Variants in NHSL2 observed in about 807,000 individuals in gnomAD.
NHSL2 encodes the protein NHS like 2.
A neutral mutation model predicts 53.4 loss-of-function variants in NHSL2; 27 were observed. The observed-to-expected ratio is 0.51, with a 90% confidence interval of 0.37 to 0.70. The LOEUF (loss-of-function observed/expected upper bound fraction) is 0.70. Among genes scored for constraint, NHSL2 ranks in the 30% least tolerant of loss-of-function variants. NHSL2 has a pLI of 0.00. For synonymous variants in NHSL2, 408 were observed against 404.1 expected, an observed-to-expected ratio of 1.01 and a Z score of -0.12; for missense variants, 892 against 980.1, an observed-to-expected ratio of 0.91 and a Z score of 1.20.
At chrX:72,083,655 A>T (rs1179161513) in intron 1 of NHSL2, among the ~76,000 whole-genome samples, 1 of 112,346 alleles carries the variant, frequency 8.9e-6, no homozygotes, top group Non-Finnish European at 1.9e-5. Flanking sequence ...TATGGTTTCC[A>T]TATAGAATTT....
rs771250499 is a variant in NHSL2 at position 71,961,720 on chromosome X, C to T, written c.280+50353C>T. On this transcript the variant is annotated intron_variant, in intron 1 of 7. Transcript: ENST00000633930. The stretch of plus-strand genomic sequence containing the variant: ...TCACTATGTTGCCCAGGCTGGAGTG[C>T]GGTGCCACGATGATCTCAGCTCACT... 2.6e-3 allele frequency among the ~76,000 whole-genome samples: 286 copies of T among 111,440 alleles called. 1 individual carries two copies. Among genetic ancestry groups the T allele is most frequent in the African/African-American group, 8.8e-3 (271 of 30,670 alleles).
At chrX:71,976,148 C>T (rs994606299) in intron 1 of NHSL2, among the ~76,000 whole-genome samples, 2 of 111,419 alleles carry the variant, frequency 1.8e-5, no homozygotes, top group Non-Finnish European at 3.8e-5. Context: ...CATGCCCCTC[C>T]CCGCCCAGTC....
intron 1 of NHSL2, chrX:72,131,365 G>C (rs2042297531): frequency 3.3e-6 from 4 of 1,209,588 alleles, no homozygotes; most frequent in Non-Finnish European, 4.5e-6. Flanking sequence ...GGGCACTATG[G>C]GTACTGGCCA....
rs2041597598 is a variant in NHSL2 at position 71,910,941 on chromosome X, C to A, written c.-147C>A. 5 of 375,722 alleles carry A rather than the reference C, an allele frequency of 1.3e-5. No individual in the cohort carries two copies. Among genetic ancestry groups the A allele is most frequent in the Non-Finnish European group, 2.0e-5 (5 of 254,528 alleles). 31.0% of individuals were successfully genotyped at this position (375,722 alleles called of 1,213,427 possible). A position where few individuals can be genotyped will look rare whatever the true frequency, so the allele number is the denominator to read the frequency against. ...CCGCCTACCCGCCCGTCGTCTTTGG[C>A]GCCCGCACGCTCTCCGGCCCGCGCC... On this transcript the variant is annotated 5_prime_UTR_variant, in exon 1 of 8. Coordinates refer to ENST00000633930, the MANE Select transcript of NHSL2 (RefSeq NM_001013627.3).
intron 1 of NHSL2, among the ~76,000 whole-genome samples, chrX:72,081,098 C>G (rs1254370748): frequency 1.8e-5 from 2 of 112,601 alleles, no homozygotes; most frequent in Admixed American, 1.9e-4. Context: ...TGGCCCTTTG[C>G]ATCAGGCGTA....
Position 72,147,270 on chromosome X carries a change from G to A in NHSL2, c.*3696G>A, listed in dbSNP as rs187532885. 8.9e-6 allele frequency: 1 copy of A among 112,289 alleles called. No homozygotes were observed. The highest frequency in any genetic ancestry group is 1.9e-5 in the Non-Finnish European group (1 of 53,226). 9.3% of individuals were successfully genotyped at this position (112,289 alleles called of 1,213,427 possible). A position where few individuals can be genotyped will look rare whatever the true frequency, so the allele number is the denominator to read the frequency against. On this transcript the variant is annotated 3_prime_UTR_variant, in exon 8 of 8. Coordinates refer to ENST00000633930, the MANE Select transcript of NHSL2 (RefSeq NM_001013627.3). The stretch of plus-strand genomic sequence containing the variant: ...GCTTTCGCTTTAATATGATTTGCTA[G>A]GGCCAGGACTAGGGTGAGGTGAGCG...
chrX:72,138,766 C>T lies in NHSL2; in HGVS notation c.1218C>T (p.Ser406=), dbSNP rs1359492610. The part of the protein sequence containing the change: ...AFTYMTPSAT[S]QSNQVNENGK... The stretch of plus-strand genomic sequence containing the variant: ...CCTACATGACTCCAAGTGCCACCAG[C>T]CAGAGCAATCAAGTCAATGAAAATG... The change falls in exon 6 of 8, where the codon AGC becomes AGT. Residue 406 remains serine (S), a synonymous_variant. Coordinates refer to ENST00000633930, the MANE Select transcript of NHSL2 (RefSeq NM_001013627.3). 5 of 1,207,728 alleles carry T rather than the reference C, an allele frequency of 4.1e-6. No homozygotes were observed. The highest frequency in any genetic ancestry group is 5.6e-6 in the Non-Finnish European group (5 of 893,227).
intron 1 of NHSL2, among the ~76,000 whole-genome samples, chrX:72,009,850 A>G (rs2042108761): frequency 1.8e-5 from 2 of 112,444 alleles, no homozygotes; most frequent in Non-Finnish European, 3.8e-5. Flanking sequence ...GAATGGATAA[A>G]TGATTCACAA....
At position 72,131,573 on chromosome X, in the gene NHSL2, G is replaced by A. The variant is rs1378487295; in HGVS notation, c.281-506G>A. 3.5e-6 allele frequency: 4 copies of A among 1,140,589 alleles called. No individual in the cohort carries two copies. The Admixed American group carries it at 8.5e-5, about 24-fold the overall frequency. 94.0% of individuals were successfully genotyped at this position (1,140,589 alleles called of 1,213,427 possible). The stretch of plus-strand genomic sequence containing the variant: ...AGCCCAGGGGCCCTGGGGCTCCGTG[G>A]TGGGGAAAGGGGAACTGGAACTACG... On this transcript the variant is annotated intron_variant, in intron 1 of 7. Transcript: ENST00000633930.
At chrX:71,913,725 G>A in intron 1 of NHSL2, among the ~76,000 whole-genome samples, 1 of 112,539 alleles carries the variant, frequency 8.9e-6, no homozygotes, top group Non-Finnish European at 1.9e-5. Flanking sequence ...CAGGCCAGCA[G>A]TATATAGCCT....
At position 72,139,989 on chromosome X, in the gene NHSL2, A is replaced by G. The variant is rs2042399534; in HGVS notation, c.2441A>G (p.Asn814Ser). The change falls in exon 6 of 8, where the codon AAT (asparagine) becomes AGT (serine). Residue 814 changes from asparagine (N) to serine (S), a missense_variant. By Grantham distance (46) the Asn-to-Ser change is conservative. Coordinates refer to ENST00000633930, the MANE Select transcript of NHSL2 (RefSeq NM_001013627.3). ...GGCGTCAAGCTGGCCCAGAAAACTA[A>G]TCCCAACCAGCCAATCATGCCTATG... is the stretch of plus-strand genomic sequence containing the variant. The part of the protein sequence containing the change: ...NFGVKLAQKT[N>S]PNQPIMPMVT... 3 of 1,210,070 alleles carry G rather than the reference A, an allele frequency of 2.5e-6. No individual in the cohort carries two copies. Among genetic ancestry groups the G allele is most frequent in the African/African-American group, 3.5e-5 (2 of 57,641 alleles).
At chrX:72,070,408 C>G (rs2042461130) in intron 1 of NHSL2, among the ~76,000 whole-genome samples, 2 of 111,169 alleles carry the variant, frequency 1.8e-5, no homozygotes, top group Non-Finnish European at 3.8e-5. Flanking sequence ...CCTTGCCCCT[C>G]TCCAGATATG....
chrX:72,095,589 C>T (rs1004268006), intron 1 of NHSL2, among the ~76,000 whole-genome samples: 14 of 112,312 alleles, frequency 1.2e-4, no homozygotes, highest in Non-Finnish European at 1.3e-4. Context: ...CAGGGAATCC[C>T]CACAGGACTT....
chrX:72,097,281 C>T lies in NHSL2; in HGVS notation c.281-34798C>T, dbSNP rs189691173. ...TTCATAACAGTTAACCACACTTAAC[C>T]GCAGTTAACTATGCTTTACAGCTTC... is the stretch of plus-strand genomic sequence containing the variant. On this transcript the variant is annotated intron_variant, in intron 1 of 7. Coordinates refer to ENST00000633930, the MANE Select transcript of NHSL2 (RefSeq NM_001013627.3). Among the ~76,000 whole-genome samples, 156 of 111,835 alleles carry T rather than the reference C, an allele frequency of 1.4e-3. 1 individual carries two copies. The highest frequency in any genetic ancestry group is 4.5e-3 in the African/African-American group (140 of 30,778).
chrX:72,023,852 G>A (rs1045407150), intron 1 of NHSL2, among the ~76,000 whole-genome samples: 4 of 112,225 alleles, frequency 3.6e-5, no homozygotes, highest in African/African-American at 1.3e-4. Context: ...GCCAGTAGGA[G>A]TAGAGTGGGA....
chrX:72,003,397 C>T (rs914823996), intron 1 of NHSL2, among the ~76,000 whole-genome samples: 1 of 111,812 alleles, frequency 8.9e-6, no homozygotes, highest in Non-Finnish European at 1.9e-5. Flanking sequence ...GATAGGAAGG[C>T]CTCAGCCCCA....
At chrX:72,131,971 C>A in intron 1 of NHSL2, 108 bp from the exon 2 acceptor site, 1 of 777,671 alleles carries the variant, frequency 1.3e-6, no homozygotes, top group Non-Finnish European at 1.9e-6. Flanking sequence ...CGCACTCCCC[C>A]CACCCCACGC....
At chrX:71,917,744 G>A (rs2041635868) in intron 1 of NHSL2, among the ~76,000 whole-genome samples, 1 of 111,496 alleles carries the variant, frequency 9.0e-6, no homozygotes, top group South Asian at 3.8e-4. Context: ...GTTGAAGAAG[G>A]TGGGGGAAGG....
intron 1 of NHSL2, among the ~76,000 whole-genome samples, chrX:71,984,034 GA>G (rs2147870240): frequency 9.0e-6 from 1 of 111,700 alleles, no homozygotes; most frequent in South Asian, 3.8e-4. Context: ...CCCTATTCAA[GA>G]TGGAGTTGCT....
Sources: allele counts gnomAD v4.1 joint callset (sites outside exome capture counted in the v4.1 genomes callset), GRCh38; gene constraint gnomAD v4.1.1; transcripts MANE v1.5; gene names NCBI Gene and HGNC (gene_info 2026-07-23, HGNC 2026-07-21).